PRKCA: variants seen among roughly 807,000 people sequenced by gnomAD.
PRKCA encodes the protein protein kinase C alpha type.
A neutral mutation model predicts 87.0 loss-of-function variants in PRKCA; 27 were observed. The observed-to-expected ratio is 0.31, with a 90% CI of 0.23 to 0.43. PRKCA has a LOEUF of 0.43. Ranked by LOEUF, PRKCA falls within the 20% of genes least tolerant of loss-of-function variation. The probability of loss-of-function intolerance (pLI) is 1.00; values close to 1 mark genes in which losing one functional copy is unlikely to be tolerated. For missense variants in PRKCA, 518 were observed against 852.3 expected, an observed-to-expected ratio of 0.61 and a Z score of 4.88; for synonymous variants, 329 against 311.1, an observed-to-expected ratio of 1.06 and a Z score of -0.61.
At chr17:66,578,570 G>C (rs1054666226) in intron 3 of PRKCA, among the ~76,000 whole-genome samples, 3 of 152,076 alleles carry the variant, frequency 2.0e-5, no homozygotes, top group Non-Finnish European at 2.9e-5. Context: ...GGTTTGGTTT[G>C]GTTTGCACAA....
At chr17:66,559,860 T>G (rs1290470827) in intron 3 of PRKCA, among the ~76,000 whole-genome samples, 1 of 152,174 alleles carries the variant, frequency 6.6e-6, no homozygotes, top group Admixed American at 6.5e-5. Flanking sequence ...GCCAAACAGA[T>G]TCAGATCTAA....
chr17:66,422,982 G>A (rs1912574172), intron 2 of PRKCA, among the ~76,000 whole-genome samples: 1 of 151,920 alleles, frequency 6.6e-6, no homozygotes, highest in African/African-American at 2.4e-5. Context: ...ATAGTGGCAG[G>A]CACCTGTAAT....
intron 9 of PRKCA, among the ~76,000 whole-genome samples, chr17:66,733,405 T>C (rs1017969232): frequency 6.6e-6 from 1 of 152,178 alleles, no homozygotes; most frequent in Non-Finnish European, 1.5e-5. Context: ...GCTTGACTTA[T>C]CTGTGAGGGA....
intron 10 of PRKCA, among the ~76,000 whole-genome samples, chr17:66,736,839 A>G (rs1974042025): frequency 6.6e-6 from 1 of 151,752 alleles, no homozygotes; most frequent in Non-Finnish European, 1.5e-5. Flanking sequence ...ACATCACCAC[A>G]CTCCTTCGTG....
At chr17:66,350,869 G>T (rs188886925) in intron 2 of PRKCA, among the ~76,000 whole-genome samples, 1 of 152,294 alleles carries the variant, frequency 6.6e-6, no homozygotes, top group East Asian at 1.9e-4. Context: ...GAGCATTCGT[G>T]TGCAAATGCA....
intron 8 of PRKCA, among the ~76,000 whole-genome samples, chr17:66,709,297 A>ATTTTT (rs1973261364): frequency 1.2e-5 from 1 of 83,506 alleles, no homozygotes; most frequent in African/African-American, 5.6e-5. Context: ...TTTTGAGATG[A>ATTTTT]TTTCTTTTTT....
intron 2 of PRKCA, among the ~76,000 whole-genome samples, chr17:66,479,411 G>A (rs1915678580): frequency 6.6e-6 from 1 of 152,190 alleles, no homozygotes; most frequent in African/African-American, 2.4e-5. Context: ...TGGTGGAAAT[G>A]TAAATTAGTT....
intron 2 of PRKCA, among the ~76,000 whole-genome samples, chr17:66,493,631 G>C (rs930978637): frequency 1.3e-5 from 2 of 151,834 alleles, no homozygotes; most frequent in Non-Finnish European, 2.9e-5. Flanking sequence ...GGGGGATCTG[G>C]GCAGCATTTT....
chr17:66,632,302 C>A (rs930546409), intron 3 of PRKCA, among the ~76,000 whole-genome samples: 6 of 152,174 alleles, frequency 3.9e-5, no homozygotes, highest in African/African-American at 1.4e-4. Context: ...CACACTTTCC[C>A]AGAGTCATTT....
chr17:66,687,625 G>T (rs367755585), intron 6 of PRKCA, among the ~76,000 whole-genome samples: 2 of 152,176 alleles, frequency 1.3e-5, no homozygotes, highest in South Asian at 2.1e-4. Flanking sequence ...CATAAGGCAA[G>T]AATTTAAATA....
intron 3 of PRKCA, among the ~76,000 whole-genome samples, chr17:66,508,702 G>T (rs1431674370): frequency 6.6e-6 from 1 of 152,076 alleles, no homozygotes; most frequent in Admixed American, 6.5e-5. Context: ...TACGAGTTCT[G>T]CTTTCAACTC....
intron 2 of PRKCA, among the ~76,000 whole-genome samples, chr17:66,368,550 C>T (rs1450742471): frequency 6.6e-6 from 1 of 150,878 alleles, no homozygotes; most frequent in Non-Finnish European, 1.5e-5. Context: ...ACCACCACAT[C>T]CGGCTAATTT....
At chr17:66,534,967 C>T (rs907049073) in intron 3 of PRKCA, among the ~76,000 whole-genome samples, 1 of 152,120 alleles carries the variant, frequency 6.6e-6, no homozygotes, top group African/African-American at 2.4e-5. Flanking sequence ...CAATTATTTA[C>T]TTACACCGCC....
chr17:66,605,285 CA>C (rs1970172977), intron 3 of PRKCA, among the ~76,000 whole-genome samples: 1 of 152,196 alleles, frequency 6.6e-6, no homozygotes, highest in Admixed American at 6.5e-5. Flanking sequence ...TCACTCAACT[CA>C]TAAGTGGACC....
chr17:66,729,742 C>T (rs1439286647), intron 8 of PRKCA, among the ~76,000 whole-genome samples: 1 of 150,582 alleles, frequency 6.6e-6, no homozygotes, highest in African/African-American at 2.4e-5. Flanking sequence ...AGCATGTTCA[C>T]AAGCCCTGAG....
intron 2 of PRKCA, among the ~76,000 whole-genome samples, chr17:66,383,482 G>C (rs1450701065): frequency 6.6e-6 from 1 of 151,980 alleles, no homozygotes; most frequent in African/African-American, 2.4e-5. Flanking sequence ...ACACTGTTCT[G>C]ATCATTGTCG....
chr17:66,503,557 TA>T (rs974929800), intron 3 of PRKCA, among the ~76,000 whole-genome samples: 38 of 152,204 alleles, frequency 2.5e-4, no homozygotes, highest in African/African-American at 9.2e-4. Context: ...CATTTAAAGC[TA>T]AAAACGGAAC....
intron 5 of PRKCA, among the ~76,000 whole-genome samples, chr17:66,679,804 C>T (rs1020773748): frequency 3.3e-5 from 5 of 152,164 alleles, no homozygotes; most frequent in Admixed American, 6.5e-5. Flanking sequence ...CATCAGCAAG[C>T]GAAAGTGGAG....
intron 11 of PRKCA, among the ~76,000 whole-genome samples, chr17:66,741,165 G>C (rs1974151365): frequency 6.6e-6 from 1 of 152,166 alleles, no homozygotes; most frequent in Non-Finnish European, 1.5e-5. Context: ...TTATTTAAAA[G>C]AGTAAACTCA....
Sources: allele counts gnomAD v4.1 joint callset (sites outside exome capture counted in the v4.1 genomes callset), GRCh38; gene constraint gnomAD v4.1.1; transcripts MANE v1.5; gene names NCBI Gene and HGNC (gene_info 2026-07-23, HGNC 2026-07-21).